Variants in SLC39A11 observed in about 807,000 individuals in gnomAD.
SLC39A11 encodes the protein solute carrier family 39 member 11, also known as zinc transporter ZIP11.
Under a neutral mutation model 36.1 loss-of-function variants are expected in SLC39A11, and 33 were observed. The observed-to-expected ratio is 0.91, with a 90% confidence interval of 0.69 to 1.22. The LOEUF (loss-of-function observed/expected upper bound fraction) is 1.22. SLC39A11 is among the 50% of genes most tolerant of loss of function. SLC39A11 has a pLI of 0.00. For missense variants in SLC39A11, 432 were observed against 430.3 expected (o/e 1.00, Z -0.03); for synonymous variants, 166 against 170.3 (o/e 0.97, Z 0.20).
chr17:73,060,655 A>C (rs1348915451), intron 3 of SLC39A11, among the ~76,000 whole-genome samples: 1 of 150,626 alleles, frequency 6.6e-6, no homozygotes, highest in Non-Finnish European at 1.5e-5. Context: ...TAAAGGGGAG[A>C]TATTATACGA....
intron 7 of SLC39A11, among the ~76,000 whole-genome samples, chr17:72,675,068 C>T (rs941976862): frequency 5.3e-5 from 8 of 152,112 alleles, no homozygotes; most frequent in East Asian, 1.9e-4. Flanking sequence ...AACTGCCCCC[C>T]GCTTCCATAC....
intron 4 of SLC39A11, among the ~76,000 whole-genome samples, chr17:72,969,783 G>A (rs1164875666): frequency 6.6e-6 from 1 of 152,214 alleles, no homozygotes; most frequent in Non-Finnish European, 1.5e-5. Flanking sequence ...ATGGGTGGCA[G>A]AGAGCTTGTT....
intron 6 of SLC39A11, among the ~76,000 whole-genome samples, chr17:72,811,490 C>T (rs184539692): frequency 6.6e-5 from 10 of 152,230 alleles, no homozygotes; most frequent in Admixed American, 5.9e-4. Context: ...ATCAGAAATC[C>T]ACCTGGATCT....
chr17:72,691,632 TA>T (rs2072033599), intron 7 of SLC39A11, among the ~76,000 whole-genome samples: 1 of 152,238 alleles, frequency 6.6e-6, no homozygotes, highest in African/African-American at 2.4e-5. Context: ...TGAATTCCAC[TA>T]ACATGGAAAT....
intron 3 of SLC39A11, among the ~76,000 whole-genome samples, chr17:73,056,943 C>CA (rs1244046983): frequency 6.6e-6 from 1 of 152,060 alleles, no homozygotes; most frequent in Non-Finnish European, 1.5e-5. Context: ...CAAAACACCC[C>CA]AAAAAACAAT....
In SLC39A11 at chr17:72,795,140, G is replaced by A. The variant is rs150003706; in HGVS notation, c.601+54494C>T. 1.9e-4 allele frequency among the ~76,000 whole-genome samples: 29 copies of A among 152,172 alleles called. 1 individual carries two copies. The highest frequency in any genetic ancestry group is 6.5e-4 in the African/African-American group (27 of 41,456). On this transcript the variant is annotated intron_variant, in intron 6 of 9. Coordinates refer to ENST00000255559, the MANE Select transcript of SLC39A11 (RefSeq NM_139177.4). ...ATAACATCTTCCCTGCAAATTTGGTGGCTCATACCAATAATCCTGTATGGT... is the reference window on the plus strand; with the variant it reads ...ATAACATCTTCCCTGCAAATTTGGTAGCTCATACCAATAATCCTGTATGGT...
intron 5 of SLC39A11, among the ~76,000 whole-genome samples, chr17:72,867,758 G>A (rs3223342): frequency 1.9e-4 from 26 of 137,316 alleles, no homozygotes; most frequent in Non-Finnish European, 2.4e-4. Context: ...TGAAGTGCGC[G>A]CGCACACACA....
At chr17:73,017,005 A>G (rs944634610) in intron 4 of SLC39A11, among the ~76,000 whole-genome samples, 1 of 152,236 alleles carries the variant, frequency 6.6e-6, no homozygotes, top group African/African-American at 2.4e-5. Flanking sequence ...GTATCAGTCA[A>G]CTTCTGCAAG....
rs181793714 is a variant in SLC39A11, at chr17:72,902,359, C to A, written c.430+45393G>T. Among the ~76,000 whole-genome samples the A allele has an allele frequency of 1.5e-4, 22 of 151,426 alleles. No individual in the cohort carries two copies. In the East Asian group the frequency reaches 4.1e-3, roughly 28 times the overall value. On this transcript the variant is annotated intron_variant, in intron 5 of 9. Transcript: ENST00000255559. ...ATCAAAAGCAGAGACTGGAGTGATGCGGCTACAAGCCAAGGAATGCTAAAA... is the reference window on the plus strand; with the variant it reads ...ATCAAAAGCAGAGACTGGAGTGATGAGGCTACAAGCCAAGGAATGCTAAAA...
At chr17:72,742,157 C>T (rs1407118354) in intron 6 of SLC39A11, among the ~76,000 whole-genome samples, 3 of 151,820 alleles carry the variant, frequency 2.0e-5, no homozygotes, top group South Asian at 2.1e-4. Flanking sequence ...GAGCCAAGAT[C>T]GCGCCACTGC....
intron 6 of SLC39A11, among the ~76,000 whole-genome samples, chr17:72,784,721 T>C (rs759213203): frequency 5.3e-5 from 8 of 152,082 alleles, no homozygotes; most frequent in Non-Finnish European, 7.4e-5. Flanking sequence ...TTTTGCCATG[T>C]GATATGCCTG....
chr17:72,686,996 C>T (rs1194804042), intron 7 of SLC39A11, among the ~76,000 whole-genome samples: 1 of 152,154 alleles, frequency 6.6e-6, no homozygotes, highest in African/African-American at 2.4e-5. Context: ...GAATTCTTTT[C>T]TTCAAATAAA....
chr17:72,885,488 T>A (rs2081397521), intron 5 of SLC39A11, among the ~76,000 whole-genome samples: 1 of 152,166 alleles, frequency 6.6e-6, no homozygotes, highest in Non-Finnish European at 1.5e-5. Flanking sequence ...CCACTATTCA[T>A]GTAGATAAGC....
At chr17:72,999,009 G>A (rs888591398) in intron 4 of SLC39A11, among the ~76,000 whole-genome samples, 2 of 152,206 alleles carry the variant, frequency 1.3e-5, no homozygotes, top group East Asian at 1.9e-4. Context: ...TCACTGAGCA[G>A]AACAATGACC....
At chr17:72,924,110 C>A (rs1035587547) in intron 5 of SLC39A11, among the ~76,000 whole-genome samples, 5 of 145,222 alleles carry the variant, frequency 3.4e-5, no homozygotes, top group Non-Finnish European at 7.5e-5. Context: ...GGCACCACTG[C>A]ACTCCAGCAT....
intron 7 of SLC39A11, among the ~76,000 whole-genome samples, chr17:72,713,464 C>T (rs780827671): frequency 1.3e-5 from 2 of 152,226 alleles, no homozygotes; most frequent in South Asian, 2.1e-4. Context: ...AGACAAACCA[C>T]ATTACCCTTA....
intron 7 of SLC39A11, chr17:72,712,785 A>T (rs978278546): frequency 4.6e-5 from 7 of 152,096 alleles, no homozygotes; most frequent in African/African-American, 1.7e-4. Flanking sequence ...ACATTTTTTA[A>T]AAAAATTTTT....
intron 6 of SLC39A11, among the ~76,000 whole-genome samples, chr17:72,831,095 GA>G: frequency 1.3e-5 from 2 of 152,074 alleles, no homozygotes; most frequent in Non-Finnish European, 2.9e-5. Context: ...TGACATTTAA[GA>G]AGACTGTTTG....
At chr17:72,980,986 G>A (rs952608188) in intron 4 of SLC39A11, among the ~76,000 whole-genome samples, 3 of 148,146 alleles carry the variant, frequency 2.0e-5, no homozygotes, top group Admixed American at 1.3e-4. Flanking sequence ...TCATGCCACT[G>A]CATTCCAGCC....
Sources: allele counts gnomAD v4.1 joint callset (sites outside exome capture counted in the v4.1 genomes callset), GRCh38; gene constraint gnomAD v4.1.1; transcripts MANE v1.5; gene names NCBI Gene and HGNC (gene_info 2026-07-23, HGNC 2026-07-21).